The following GULP1 variants were observed in gnomAD, a reference collection of about 807,000 sequenced individuals.
The protein encoded by GULP1 is PTB domain-containing engulfment adapter protein 1.
In GULP1, 19 loss-of-function variants were observed where a neutral mutation model predicts 40.9. That is an observed-to-expected ratio of 0.46 (90% CI 0.32 to 0.68). The LOEUF is 0.68. GULP1 is among the 30% of genes least tolerant of loss of function. The pLI, the probability that GULP1 is intolerant of heterozygous loss-of-function variation, is 0.03. For missense variants in GULP1, 312 were observed against 362.2 expected (o/e 0.86, Z 1.12); for synonymous variants, 119 against 117.6 (o/e 1.01, Z -0.08).
At chr2:188,508,964 T>G (rs1220815433) in intron 4 of GULP1, among the ~76,000 whole-genome samples, 3 of 152,016 alleles carry the variant, frequency 2.0e-5, no homozygotes, top group Admixed American at 1.3e-4. Flanking sequence ...TGCAGTTCAG[T>G]GGCATTAAAA....
intron 2 of GULP1, among the ~76,000 whole-genome samples, chr2:188,433,636 T>C (rs552434362): frequency 6.6e-6 from 1 of 152,212 alleles, no homozygotes; most frequent in South Asian, 2.1e-4. Flanking sequence ...CTTGGTATCT[T>C]AGTTCTGAGT....
At chr2:188,323,581 AGT>A in intron 1 of GULP1, among the ~76,000 whole-genome samples, 1 of 151,992 alleles carries the variant, frequency 6.6e-6, no homozygotes, top group East Asian at 1.9e-4. Context: ...TTCTCCAAAA[AGT>A]GTGCAGTTAA....
At chr2:188,527,720 C>T (rs1232720304) in intron 5 of GULP1, among the ~76,000 whole-genome samples, 1 of 152,048 alleles carries the variant, frequency 6.6e-6, no homozygotes, top group Non-Finnish European at 1.5e-5. Context: ...ACAAATGGTA[C>T]CCCCTGGGAT....
chr2:188,532,870 A>T (rs2153262915), intron 6 of GULP1, among the ~76,000 whole-genome samples: 1 of 152,190 alleles, frequency 6.6e-6, no homozygotes. Flanking sequence ...GCAGTGAGCC[A>T]AGATCGCGCC....
At chr2:188,423,731 A>G (rs1248235307) in intron 2 of GULP1, among the ~76,000 whole-genome samples, 11 of 151,912 alleles carry the variant, frequency 7.2e-5, no homozygotes. Flanking sequence ...ATGAGGTAAC[A>G]GAAATATAAA....
intron 1 of GULP1, among the ~76,000 whole-genome samples, chr2:188,378,293 AAG>A (rs1345584987): frequency 6.6e-6 from 1 of 151,764 alleles, no homozygotes; most frequent in Non-Finnish European, 1.5e-5. Flanking sequence ...AAAAAAAAAA[AAG>A]AAAAAATCTT....
chr2:188,293,501 G>T (rs1281429891), intron 1 of GULP1, among the ~76,000 whole-genome samples: 3 of 152,224 alleles, frequency 2.0e-5, no homozygotes, highest in African/African-American at 7.2e-5. Context: ...TAAAGTAAGG[G>T]AGATTATTAG....
At chr2:188,528,565 C>G (rs971717383) in intron 5 of GULP1, among the ~76,000 whole-genome samples, 21 of 151,774 alleles carry the variant, frequency 1.4e-4, no homozygotes, top group African/African-American at 4.8e-4. Context: ...GAGTCTAGTT[C>G]TATACCTGAG....
At chr2:188,549,159 A>G (rs553359404) in intron 7 of GULP1, among the ~76,000 whole-genome samples, 3 of 82,834 alleles carry the variant, frequency 3.6e-5, no homozygotes, top group Admixed American at 3.0e-4. Context: ...ATGTCTTAGG[A>G]AAGCATTCTT....
chr2:188,381,008 G>A (rs1441987493), intron 1 of GULP1, among the ~76,000 whole-genome samples: 1 of 151,726 alleles, frequency 6.6e-6, no homozygotes, highest in Non-Finnish European at 1.5e-5. Context: ...AATAAATGGT[G>A]GCAAAACAGT....
At chr2:188,567,766 A>G (rs1698102167) in intron 7 of GULP1, among the ~76,000 whole-genome samples, 1 of 152,180 alleles carries the variant, frequency 6.6e-6, no homozygotes, top group South Asian at 2.1e-4. Flanking sequence ...TTTGGAAGAA[A>G]TTTTTAAAAA....
chr2:188,585,493 C>T (rs376694157), intron 10 of GULP1, among the ~76,000 whole-genome samples: 89 of 152,316 alleles, frequency 5.8e-4, no homozygotes, highest in African/African-American at 1.8e-3. Context: ...ATACATCCTC[C>T]GAAATCTAGG....
intron 7 of GULP1, among the ~76,000 whole-genome samples, chr2:188,556,243 C>T (rs970034070): frequency 2.1e-4 from 32 of 151,824 alleles, no homozygotes; most frequent in Admixed American, 2.1e-3. Flanking sequence ...CTATTTTTAT[C>T]TTTATATTTG....
chr2:188,536,593 T>C (rs970707922), intron 6 of GULP1, among the ~76,000 whole-genome samples: 5 of 152,118 alleles, frequency 3.3e-5, no homozygotes, highest in African/African-American at 9.7e-5. Flanking sequence ...ACTATAGCCT[T>C]ATAGTACAGT....
intron 2 of GULP1, among the ~76,000 whole-genome samples, chr2:188,412,163 A>G (rs2152719870): frequency 6.6e-6 from 1 of 152,190 alleles, no homozygotes; most frequent in Admixed American, 6.5e-5. Context: ...GTGGAAGGGG[A>G]AGCAAACACA....
At chr2:188,540,633 G>A (rs890271549) in intron 6 of GULP1, among the ~76,000 whole-genome samples, 1 of 151,980 alleles carries the variant, frequency 6.6e-6, no homozygotes, top group African/African-American at 2.4e-5. Flanking sequence ...GTTCAAGAGT[G>A]TATGAGTTAC....
intron 7 of GULP1, among the ~76,000 whole-genome samples, chr2:188,556,832 G>A (rs1057004207): frequency 1.3e-5 from 2 of 152,090 alleles, no homozygotes; most frequent in African/African-American, 2.4e-5. Context: ...TCAGGAGATC[G>A]AGACCACGGT....
intron 2 of GULP1, among the ~76,000 whole-genome samples, chr2:188,384,827 C>A (rs1312437457): frequency 6.6e-6 from 1 of 152,188 alleles, no homozygotes; most frequent in Non-Finnish European, 1.5e-5. Context: ...TCTTAAAGCT[C>A]CAAAATGATC....
rs549932695 is a variant in GULP1 at position 188,311,272 on chromosome 2, C to T, written c.-172+19106C>T. Among the ~76,000 whole-genome samples the T allele has an allele frequency of 2.0e-5, 3 of 152,224 alleles. No homozygotes were observed. The East Asian group carries it at 5.8e-4, about 29-fold the overall frequency. ...AGTGCAGTGACATGATCTTGGCTCA[C>T]TGCAAGCTCCACATCCCGGGTTCAA... On this transcript the variant is annotated intron_variant, in intron 1 of 11. Transcript: ENST00000409830.
Sources: allele counts gnomAD v4.1 joint callset (sites outside exome capture counted in the v4.1 genomes callset), GRCh38; gene constraint gnomAD v4.1.1; transcripts MANE v1.5; gene names NCBI Gene and HGNC (gene_info 2026-07-23, HGNC 2026-07-21).